The following PTPRA variants were observed in gnomAD, a reference collection of about 807,000 sequenced individuals.
PTPRA encodes protein tyrosine phosphatase receptor type A, also known as receptor-type tyrosine-protein phosphatase alpha.
Under a neutral mutation model 104.8 loss-of-function variants are expected in PTPRA, and 25 were observed. The observed-to-expected ratio is 0.24, with a 90% CI of 0.17 to 0.33. PTPRA has a LOEUF of 0.33. PTPRA is among the 10% of genes least tolerant of loss of function. The pLI, the probability that PTPRA is intolerant of heterozygous loss-of-function variation, is 1.00. For missense variants in PTPRA, 765 were observed against 1,015.3 expected (o/e 0.75, Z 3.35); for synonymous variants, 323 against 368.9 (o/e 0.88, Z 1.43).
chr20:3,011,564 G>C (rs765688128), intron 11 of PTPRA, among the ~76,000 whole-genome samples: 78 of 152,182 alleles, frequency 5.1e-4, no homozygotes, highest in Non-Finnish European at 1.1e-3. Flanking sequence ...AAGTTGGGCA[G>C]AAACTTCAAA....
intron 1 of PTPRA, among the ~76,000 whole-genome samples, chr20:2,910,655 G>A (rs147443982): frequency 0.012 from 1,522 of 131,350 alleles, 90 homozygotes; most frequent in Admixed American, 0.076. Context: ...CACCCAGGCT[G>A]GAGTGCAGTG....
intron 1 of PTPRA, among the ~76,000 whole-genome samples, chr20:2,909,047 T>C (rs1391347949): frequency 6.6e-6 from 1 of 152,186 alleles, no homozygotes; most frequent in African/African-American, 2.4e-5. Context: ...AGTGGCTGAT[T>C]ACCAATTATG....
chr20:2,977,677 C>CATT (rs1037801207), intron 6 of PTPRA, among the ~76,000 whole-genome samples: 5 of 151,524 alleles, frequency 3.3e-5, no homozygotes, highest in African/African-American at 1.2e-4. Flanking sequence ...ATCATAGTGC[C>CATT]ATTATTATTA....
Position 2,964,336 on chromosome 20 carries a change from A to G in PTPRA, c.59A>G (p.Asn20Ser). The G allele has an allele frequency of 6.2e-7, 1 of 1,602,948 alleles. No individual in the cohort carries two copies. Among genetic ancestry groups the G allele is most frequent in the Non-Finnish European group, 8.5e-7 (1 of 1,175,452 alleles). ...LGSGLICVSA[N>S]NATTVAPSVG... ...AGTGGTCTGATATGTGTCAGTGCCA[A>G]CAATGCTACCACAGGTAAATTGTCA... Residue 20 changes from asparagine to serine, a missense_variant, in exon 4 of 24, where the codon AAC becomes AGC. Around this residue, in one of 4 missense-constraint regions of PTPRA, gnomAD observed 256 missense variants for 248.9 expected, o/e 1.03. Transcript: ENST00000399903.
chr20:2,865,789 G>A, the PTPRA span: 2 of 496,794 alleles, frequency 4.0e-6, no homozygotes, highest in African/African-American at 1.9e-5. The surrounding 1 kb of genome is among the most constrained non-coding windows in gnomAD (Gnocchi z 5.2). Context: ...GTCTGAGGAG[G>A]GTGGAGGGGG....
the PTPRA span, chr20:2,866,574 A>G: frequency 6.2e-7 from 1 of 1,614,062 alleles, no homozygotes; most frequent in South Asian, 1.1e-5. Context: ...AGAAGAAGTG[A>G]GGAGTCCATC....
chr20:3,032,766 A>C (rs991687694), intron 20 of PTPRA, among the ~76,000 whole-genome samples: 2 of 146,190 alleles, frequency 1.4e-5, no homozygotes, highest in Non-Finnish European at 3.0e-5. Flanking sequence ...CTCCATCTCA[A>C]AAAAAAAAAA....
intron 9 of PTPRA, among the ~76,000 whole-genome samples, chr20:2,994,400 A>G (rs1192941241): frequency 6.6e-6 from 1 of 152,154 alleles, no homozygotes; most frequent in African/African-American, 2.4e-5. Context: ...GAGCTTCACA[A>G]TGAATTATTC....
intron 1 of PTPRA, among the ~76,000 whole-genome samples, chr20:2,891,278 T>C (rs566541531): frequency 1.4e-4 from 22 of 152,368 alleles, no homozygotes; most frequent in Admixed American, 1.3e-3. Flanking sequence ...ATTGATTAGA[T>C]GGCTGCCAAA....
chr20:2,867,539 CACCCCCTCT>C, the PTPRA span, among the ~76,000 whole-genome samples: 3 of 148,654 alleles, frequency 2.0e-5, no homozygotes, highest in African/African-American at 5.1e-5. Context: ...CACTCCAGTG[CACCCCCTCT>C]GCTCTCCCTG....
rs575182566 is a variant in PTPRA, at chr20:2,999,738, C to T, written c.739-5318C>T. Among the ~76,000 whole-genome samples, 6 of 152,022 alleles carry T rather than the reference C, an allele frequency of 3.9e-5. No individual in the cohort carries two copies. The East Asian group carries it at 9.7e-4, about 24-fold the overall frequency. On this transcript the variant is annotated intron_variant, in intron 9 of 23. Coordinates refer to ENST00000399903, the MANE Select transcript of PTPRA (RefSeq NM_001385305.1). ...GCTGTAAACACTGAAATTTAAAGGA[C>T]AAAAATGATAAAATGTAGAGATCAT...
At chr20:2,920,792 A>T (rs1220936873) in intron 1 of PTPRA, among the ~76,000 whole-genome samples, 2 of 149,520 alleles carry the variant, frequency 1.3e-5, no homozygotes, top group Non-Finnish European at 3.0e-5. Flanking sequence ...GGGGAAAGTG[A>T]TGGCTGGGAT....
upstream of PTPRA, among the ~76,000 whole-genome samples, chr20:2,870,645 C>T (rs2089416900): frequency 1.3e-5 from 2 of 152,190 alleles, no homozygotes. Flanking sequence ...CTCATTGTTC[C>T]ATTTACTAGA....
At chr20:2,882,624 C>A (rs879361174) in intron 1 of PTPRA, among the ~76,000 whole-genome samples, 5 of 152,054 alleles carry the variant, frequency 3.3e-5, no homozygotes, top group African/African-American at 1.2e-4. Context: ...TTAATAGTTA[C>A]ATCCAAGAAT....
At chr20:3,030,768 C>T (rs191505757) in intron 20 of PTPRA, among the ~76,000 whole-genome samples, 2 of 146,550 alleles carry the variant, frequency 1.4e-5, no homozygotes, top group East Asian at 2.1e-4. Context: ...TCGCTGCAAC[C>T]TCCACCTCCA....
intron 6 of PTPRA, among the ~76,000 whole-genome samples, chr20:2,982,093 T>TC (rs1600209792): frequency 8.1e-6 from 1 of 123,820 alleles, no homozygotes; most frequent in Non-Finnish European, 1.5e-5. Flanking sequence ...TTCTTCTTCT[T>TC]TTTTTTTTTT....
chr20:2,947,928 C>A, intron 2 of PTPRA, 54 bp from the exon 3 acceptor site: 3 of 793,062 alleles, frequency 3.8e-6, no homozygotes, highest in South Asian at 1.5e-5. Context: ...TTGATGAATG[C>A]TTCACATAAC....
At chr20:2,978,220 T>A (rs2062522583) in intron 6 of PTPRA, among the ~76,000 whole-genome samples, 1 of 152,176 alleles carries the variant, frequency 6.6e-6, no homozygotes, top group Admixed American at 6.5e-5. Flanking sequence ...TTTAGAAAGA[T>A]ATTCCAGAGG....
chr20:2,938,910 T>C (rs574767512), intron 2 of PTPRA, among the ~76,000 whole-genome samples: 96 of 152,352 alleles, frequency 6.3e-4, no homozygotes, highest in African/African-American at 2.3e-3. Flanking sequence ...CCTTTTTTCA[T>C]TCAAGTTGAG....
Sources: allele counts gnomAD v4.1 joint callset (sites outside exome capture counted in the v4.1 genomes callset), GRCh38; gene constraint gnomAD v4.1.1; regional missense constraint gnomAD v4.1.1; non-coding constraint Gnocchi (gnomAD v3.1); transcripts MANE v1.5; gene names NCBI Gene and HGNC (gene_info 2026-07-23, HGNC 2026-07-21).